Variants in AKAP19 observed in about 807,000 individuals in gnomAD.
AKAP19 encodes A-kinase anchoring protein 19, also known as small A-kinase anchoring protein.
chr2:190,132,755 C>T, the AKAP19 span, among the ~76,000 whole-genome samples: 1 of 151,884 alleles, frequency 6.6e-6, no homozygotes, highest in Non-Finnish European at 1.5e-5. Flanking sequence ...ACTCCAAAAG[C>T]ACAAGCAACA....
the AKAP19 span, among the ~76,000 whole-genome samples, chr2:190,011,482 G>A: frequency 6.6e-6 from 1 of 151,920 alleles, no homozygotes; most frequent in Admixed American, 6.6e-5. Context: ...GAGCTTTTGG[G>A]GTCAAATGCA....
chr2:190,195,015 T>G, the AKAP19 span, among the ~76,000 whole-genome samples: 1 of 152,110 alleles, frequency 6.6e-6, no homozygotes, highest in African/African-American at 2.4e-5. Context: ...CCACCATGCC[T>G]GGCTAATTTT....
At chr2:189,955,265 C>T in the AKAP19 span, among the ~76,000 whole-genome samples, 2 of 152,168 alleles carry the variant, frequency 1.3e-5, no homozygotes, top group East Asian at 1.9e-4. Context: ...CTGTAAAAGA[C>T]GTTCTTTCTT....
chr2:189,976,927 G>A, the AKAP19 span, among the ~76,000 whole-genome samples: 35 of 152,226 alleles, frequency 2.3e-4, no homozygotes, highest in Admixed American at 9.2e-4. Flanking sequence ...GTGCTTCCTG[G>A]GTGAGGCGAT....
the AKAP19 span, among the ~76,000 whole-genome samples, chr2:189,976,943 G>A: frequency 6.6e-6 from 1 of 152,144 alleles, no homozygotes; most frequent in African/African-American, 2.4e-5. Context: ...GCGATGCCTT[G>A]CCCTGCTTTG....
the AKAP19 span, among the ~76,000 whole-genome samples, chr2:190,069,175 T>TGTGTGTGTGTGTGTGAGAGA: frequency 1.1e-4 from 13 of 123,540 alleles, no homozygotes; most frequent in Admixed American, 3.3e-4. Flanking sequence ...TGTGTGTGTG[T>TGTGTGTGTGTGTGTGAGAGA]GAGAGAGAGA....
chr2:189,890,152 A>C, the AKAP19 span, among the ~76,000 whole-genome samples: 1 of 152,018 alleles, frequency 6.6e-6, no homozygotes, highest in East Asian at 1.9e-4. Flanking sequence ...CAAAGAACTT[A>C]TTTATTTCTG....
chr2:189,977,494 A>G, the AKAP19 span, among the ~76,000 whole-genome samples: 45 of 152,342 alleles, frequency 3.0e-4, 2 homozygotes, highest in East Asian at 3.1e-3. Context: ...TGATATTACA[A>G]TTTCAAATAT....
At chr2:190,057,354 C>A in the AKAP19 span, 1 of 1,613,562 alleles carries the variant, frequency 6.2e-7, no homozygotes, top group Non-Finnish European at 8.5e-7. Flanking sequence ...TTGGAGACAT[C>A]TTTGTGGGAG....
chr2:189,984,706 A>T, the AKAP19 span, among the ~76,000 whole-genome samples: 3 of 152,242 alleles, frequency 2.0e-5, no homozygotes, highest in Non-Finnish European at 2.9e-5. Context: ...AGATTGCAGT[A>T]AAGACAGGCA....
chr2:189,915,978 C>T, the AKAP19 span, among the ~76,000 whole-genome samples: 6 of 152,104 alleles, frequency 3.9e-5, no homozygotes, highest in Admixed American at 1.3e-4. Flanking sequence ...AGTTACCCAA[C>T]ACATAGAATA....
the AKAP19 span, among the ~76,000 whole-genome samples, chr2:189,988,245 G>A: frequency 6.6e-6 from 1 of 152,082 alleles, no homozygotes; most frequent in South Asian, 2.1e-4. Context: ...AAGAAGTCAG[G>A]AAAAAGGCAG....
the AKAP19 span, among the ~76,000 whole-genome samples, chr2:190,189,519 T>TA: frequency 6.6e-6 from 1 of 152,238 alleles, no homozygotes; most frequent in Non-Finnish European, 1.5e-5. Context: ...CCTTAATAGA[T>TA]ACGGCTAAAC....
the AKAP19 span, chr2:190,202,218 CA>C: frequency 6.0e-6 from 1 of 166,980 alleles, no homozygotes; most frequent in Non-Finnish European, 1.5e-5. Context: ...GCAACTATGG[CA>C]GTATACTTTT....
the AKAP19 span, among the ~76,000 whole-genome samples, chr2:189,931,362 GTTATTA>G: frequency 2.0e-5 from 3 of 151,998 alleles, no homozygotes; most frequent in African/African-American, 4.8e-5. Context: ...ATGCAATATT[GTTATTA>G]TTATTATTTT....
chr2:190,151,977 C>T, the AKAP19 span, among the ~76,000 whole-genome samples: 14 of 149,120 alleles, frequency 9.4e-5, no homozygotes, highest in African/African-American at 3.5e-4. Flanking sequence ...CACTCCAGAG[C>T]GAGACTCTGT....
the AKAP19 span, among the ~76,000 whole-genome samples, chr2:189,998,797 G>T: frequency 3.8e-5 from 2 of 53,178 alleles, no homozygotes; most frequent in African/African-American, 8.1e-5. Flanking sequence ...TTTTGATATG[G>T]AGTCTTACTC....
the AKAP19 span, among the ~76,000 whole-genome samples, chr2:190,069,851 T>C: frequency 6.6e-6 from 1 of 152,142 alleles, no homozygotes; most frequent in Admixed American, 6.6e-5. Context: ...AATAAAAAAC[T>C]TTAGGGCTAT....
chr2:190,112,517 A>G, the AKAP19 span, among the ~76,000 whole-genome samples: 1 of 152,174 alleles, frequency 6.6e-6, no homozygotes, highest in Non-Finnish European at 1.5e-5. Flanking sequence ...TATTAATATG[A>G]TTTTTAATAG....
Sources: allele counts gnomAD v4.1 joint callset (sites outside exome capture counted in the v4.1 genomes callset), GRCh38; gene constraint gnomAD v4.1.1; transcripts MANE v1.5; gene names NCBI Gene and HGNC (gene_info 2026-07-23, HGNC 2026-07-21).